Variants in EML1 observed in about 807,000 individuals in gnomAD.
EML1 encodes echinoderm microtubule-associated protein-like 1.
A neutral mutation model predicts 110.4 loss-of-function variants in EML1; 27 were observed. The observed-to-expected ratio is 0.24, with a 90% CI of 0.18 to 0.34. The LOEUF (loss-of-function observed/expected upper bound fraction) is 0.34, where lower values mean the gene tolerates loss of function less well. EML1 is among the 10% of genes least tolerant of loss of function. EML1 has a pLI of 1.00. For synonymous variants in EML1, 344 were observed against 385.8 expected (o/e 0.89, Z 1.27); for missense variants, 741 against 1,030.9 (o/e 0.72, Z 3.85).
chr14:99,861,716 A>G (rs2139868732), intron 2 of EML1, among the ~76,000 whole-genome samples: 1 of 152,302 alleles, frequency 6.6e-6, no homozygotes, highest in South Asian at 2.1e-4. Context: ...TCCTGTCCTC[A>G]GGTTATCCAC....
At chr14:99,898,325 T>G in intron 8 of EML1, 23 bp downstream of exon 8, 1 of 1,602,612 alleles carries the variant, frequency 6.2e-7, no homozygotes, top group Non-Finnish European at 8.5e-7. Context: ...ACCTTTTCAT[T>G]GTTTCATAAT....
chr14:99,799,801 G>A (rs966374484), intron 1 of EML1, among the ~76,000 whole-genome samples: 2 of 152,226 alleles, frequency 1.3e-5, no homozygotes, highest in African/African-American at 4.8e-5. Flanking sequence ...GGTTGGATAA[G>A]AGAGGAGAAA....
chr14:99,864,489 G>A lies in EML1; in HGVS notation c.251-1025G>A, dbSNP rs573145037. Reference sequence around the variant, plus strand: ...GGCTGTTTTAATTTTTGTGTAGGGTGTGAGGTTAGTGTCTAGGTTGCCTTT... The same window carrying A: ...GGCTGTTTTAATTTTTGTGTAGGGTATGAGGTTAGTGTCTAGGTTGCCTTT... On this transcript the variant is annotated intron_variant, in intron 2 of 21. Coordinates refer to ENST00000262233, the MANE Select transcript of EML1 (RefSeq NM_004434.3). Among the ~76,000 whole-genome samples, 12 of 152,240 alleles carry A rather than the reference G, an allele frequency of 7.9e-5. No homozygotes were observed. In the South Asian group the frequency reaches 2.1e-3, roughly 26 times the overall value.
At chr14:99,896,057 A>G (rs2059666568) in intron 6 of EML1, among the ~76,000 whole-genome samples, 1 of 152,212 alleles carries the variant, frequency 6.6e-6, no homozygotes, top group African/African-American at 2.4e-5. Flanking sequence ...AAGAAAATAG[A>G]AACTGTGAAA....
chr14:99,811,166 GT>G (rs111421409), intron 1 of EML1, among the ~76,000 whole-genome samples: 2,296 of 146,152 alleles, frequency 0.016, 56 homozygotes, highest in African/African-American at 0.053. Flanking sequence ...TATAATAGGG[GT>G]TTTTTTTTTG....
In EML1 at chr14:99,850,811, CG is replaced by C. The variant is rs769804005; in HGVS notation, c.68-38del. The C allele has an allele frequency of 3.1e-6, 5 of 1,594,318 alleles. No homozygotes were observed. The African/African-American group carries it at 4.0e-5, about 13-fold the overall frequency. Reference sequence around the variant, plus strand: ...AGAGTATGTTTATAGATCTGATTTCCGGGGAACACTTAAAGCTCACTTGATC... The same window carrying C: ...AGAGTATGTTTATAGATCTGATTTCCGGGAACACTTAAAGCTCACTTGATC... On this transcript the variant is annotated intron_variant, in intron 1 of 21. Coordinates refer to ENST00000262233, the MANE Select transcript of EML1 (RefSeq NM_004434.3).
rs868180484 is a variant in EML1, at chr14:99,936,994, G to A, written c.2095+660G>A. On this transcript the variant is annotated intron_variant, in intron 19 of 21. Coordinates refer to ENST00000262233, the MANE Select transcript of EML1 (RefSeq NM_004434.3). This position sits in a 1 kb window ranked among gnomAD's most constrained non-coding sequence, Gnocchi z 5.5. ...CCCCTGCTGGAAGTTACTGGAAAGCGCAGCGCTCCTCCTCTGCGTCTTCTC... is the reference window on the plus strand; with the variant it reads ...CCCCTGCTGGAAGTTACTGGAAAGCACAGCGCTCCTCCTCTGCGTCTTCTC... Among the ~76,000 whole-genome samples, 2 of 152,334 alleles carry A rather than the reference G, an allele frequency of 1.3e-5. No homozygotes were observed. The highest frequency in any genetic ancestry group is 4.8e-5 in the African/African-American group (2 of 41,576).
intron 6 of EML1, 22 bp from the exon 7 acceptor site, chr14:99,897,122 AT>A (rs760160905): frequency 6.6e-7 from 1 of 1,505,964 alleles, no homozygotes; most frequent in Non-Finnish European, 8.9e-7. Flanking sequence ...GGGAAAAAAA[AT>A]TTTATCTTGA....
chr14:99,871,957 T>C (rs2059212951), intron 3 of EML1, among the ~76,000 whole-genome samples: 1 of 152,192 alleles, frequency 6.6e-6, no homozygotes, highest in Admixed American at 6.5e-5. Context: ...TCCATTGTGC[T>C]CGGCTGCTTC....
At chr14:99,799,277 TAAC>T (rs921332323) in intron 1 of EML1, among the ~76,000 whole-genome samples, 9 of 152,226 alleles carry the variant, frequency 5.9e-5, no homozygotes, top group Non-Finnish European at 1.0e-4. Context: ...TTTTGGAAAT[TAAC>T]AATAATTTAT....
chr14:99,737,904 G>A (rs1379444483), intron 1 of EML1: 8 of 1,284,996 alleles, frequency 6.2e-6, no homozygotes, highest in Non-Finnish European at 8.1e-6. Flanking sequence ...TCCGGTTGCA[G>A]AGCCAAGGCC....
intron 1 of EML1, among the ~76,000 whole-genome samples, chr14:99,756,486 T>C (rs1172078638): frequency 6.6e-6 from 1 of 152,222 alleles, no homozygotes; most frequent in African/African-American, 2.4e-5. Flanking sequence ...CATCGGTTCC[T>C]TGGTGTTCCT....
rs755069629 is a variant in EML1, at chr14:99,914,208, A to G, written c.1524A>G (p.Thr508=). The change falls in exon 14 of 22, where the codon ACA becomes ACG. Residue 508 remains threonine (T), a synonymous_variant. Coordinates refer to ENST00000262233, the MANE Select transcript of EML1 (RefSeq NM_004434.3). ...EIPEQFGPIR[T]VAEGKGDVIL... is the part of the protein sequence containing the mutation. The stretch of plus-strand genomic sequence containing the variant: ...CAGAACAGTTTGGTCCAATACGGAC[A>G]GTGGCCGAGGGGAAAGGCGATGTGA... 18 of 1,613,922 alleles carry G rather than the reference A, an allele frequency of 1.1e-5. No homozygotes were observed. The highest frequency in any genetic ancestry group is 1.5e-5 in the Non-Finnish European group (18 of 1,179,778).
intron 1 of EML1, among the ~76,000 whole-genome samples, chr14:99,759,458 C>T (rs190675374): frequency 2.0e-5 from 3 of 152,358 alleles, no homozygotes; most frequent in Non-Finnish European, 2.9e-5. Flanking sequence ...AGGGCAGCCC[C>T]GGGCCGGGAG....
chr14:99,799,957 G>A (rs2057844413), intron 1 of EML1, among the ~76,000 whole-genome samples: 1 of 152,110 alleles, frequency 6.6e-6, no homozygotes, highest in Admixed American at 6.5e-5. Context: ...AAAATCAGTG[G>A]CATTTTGTAC....
intron 3 of EML1, among the ~76,000 whole-genome samples, chr14:99,875,446 C>A (rs1595415300): frequency 6.6e-6 from 1 of 152,150 alleles, no homozygotes. Context: ...ATCACTGGCA[C>A]CCCCGTGAAC....
intron 2 of EML1, among the ~76,000 whole-genome samples, chr14:99,860,654 G>A (rs562382653): frequency 6.6e-6 from 1 of 152,284 alleles, no homozygotes; most frequent in South Asian, 2.1e-4. Flanking sequence ...TGCTGGTGGT[G>A]GGGGTTACGA....
intron 1 of EML1, among the ~76,000 whole-genome samples, chr14:99,783,179 C>T (rs2057560820): frequency 8.1e-6 from 1 of 123,858 alleles, no homozygotes; most frequent in Non-Finnish European, 1.6e-5. Flanking sequence ...GTGTGATGTT[C>T]CCCTTCCTGT....
intron 1 of EML1, among the ~76,000 whole-genome samples, chr14:99,739,774 C>G (rs1225853229): frequency 1.3e-5 from 2 of 152,122 alleles, no homozygotes; most frequent in Admixed American, 1.3e-4. Context: ...GTGTGAAGTT[C>G]AGGCCTTTCT....
Sources: allele counts gnomAD v4.1 joint callset (sites outside exome capture counted in the v4.1 genomes callset), GRCh38; gene constraint gnomAD v4.1.1; non-coding constraint Gnocchi (gnomAD v3.1); transcripts MANE v1.5; gene names NCBI Gene and HGNC (gene_info 2026-07-23, HGNC 2026-07-21).